Variants in TPD52L1 observed in about 807,000 individuals in gnomAD.
The protein encoded by TPD52L1 is TPD52 like 1.
TPD52L1 carries 18 observed loss-of-function variants against 28.7 expected under a neutral mutation model. That is an observed-to-expected ratio of 0.63 (90% CI 0.43 to 0.93). The LOEUF is 0.93. Ranked by LOEUF, TPD52L1 falls within the 40% of genes least tolerant of loss-of-function variation. The pLI is 0.00. For missense variants in TPD52L1, 203 were observed against 254.8 expected, an observed-to-expected ratio of 0.80 and a Z score of 1.39; for synonymous variants, 75 against 88.8, an observed-to-expected ratio of 0.84 and a Z score of 0.88.
chr6:125,214,525 TG>T, intron 1 of TPD52L1: 1 of 879,812 alleles, frequency 1.1e-6, no homozygotes, highest in Non-Finnish European at 1.4e-6. Flanking sequence ...GTCCTGGGCT[TG>T]GCTTTTGCTA....
intron 1 of TPD52L1, among the ~76,000 whole-genome samples, chr6:125,176,297 G>T (rs1348103163): frequency 6.6e-6 from 1 of 152,176 alleles, no homozygotes; most frequent in African/African-American, 2.4e-5. Flanking sequence ...ACATTATTCT[G>T]CATGTTGCAA....
intron 1 of TPD52L1, among the ~76,000 whole-genome samples, chr6:125,207,268 G>T (rs1300167552): frequency 6.6e-6 from 1 of 152,144 alleles, no homozygotes; most frequent in African/African-American, 2.4e-5. Flanking sequence ...TTCTGCATGA[G>T]GTGTTGTGGT....
At chr6:125,185,177 A>G (rs1011264134) in intron 1 of TPD52L1, among the ~76,000 whole-genome samples, 34 of 152,186 alleles carry the variant, frequency 2.2e-4, no homozygotes, top group African/African-American at 8.0e-4. Context: ...AAAAACTGTC[A>G]CAATGCAGGA....
chr6:125,178,656 A>ATATATAT (rs1383661753), intron 1 of TPD52L1, among the ~76,000 whole-genome samples: 34 of 149,704 alleles, frequency 2.3e-4, no homozygotes, highest in African/African-American at 8.0e-4. Context: ...AAAACAAAAC[A>ATATATAT]AAATATATAT....
chr6:125,206,948 G>T lies in TPD52L1; in HGVS notation c.20-13130G>T, dbSNP rs548120600. On this transcript the variant is annotated intron_variant, in intron 1 of 6. Coordinates refer to ENST00000534000, the MANE Select transcript of TPD52L1 (RefSeq NM_003287.4). ...TTTTCCTCATGCAGTCTGGTAGTTT[G>T]CTCAGTGAAGGAAGTTCCTGGAGTC... Among the ~76,000 whole-genome samples, 14 of 152,274 alleles carry T rather than the reference G, an allele frequency of 9.2e-5. No individual in the cohort carries two copies. The South Asian group carries it at 2.9e-3, about 32-fold the overall frequency.
chr6:125,241,856 T>G (rs1387558168), intron 3 of TPD52L1, among the ~76,000 whole-genome samples: 1 of 151,944 alleles, frequency 6.6e-6, no homozygotes, highest in African/African-American at 2.4e-5. Context: ...TTTTTTTTCT[T>G]CTGCTGGGTT....
rs141080667 is a variant in TPD52L1, at chr6:125,223,180, G to C, written c.135+2987G>C. Among the ~76,000 whole-genome samples the C allele has an allele frequency of 1.5e-3, 231 of 152,168 alleles. 1 individual carries two copies. Among genetic ancestry groups the C allele is most frequent in the African/African-American group, 5.5e-3 (227 of 41,524 alleles). ...GGCTATGCTGGATTCCTTCCTCCCA[G>C]CTCTCTTTCTCTTCCCTCCCCTCTG... On this transcript the variant is annotated intron_variant, in intron 2 of 6. Coordinates refer to ENST00000534000, the MANE Select transcript of TPD52L1 (RefSeq NM_003287.4).
intron 1 of TPD52L1, among the ~76,000 whole-genome samples, chr6:125,158,213 T>G (rs1423611523): frequency 6.6e-6 from 1 of 152,196 alleles, no homozygotes; most frequent in Non-Finnish European, 1.5e-5. Context: ...GGAATTAGGA[T>G]ATATTTAGGG....
chr6:125,187,685 T>G (rs1004878134), intron 1 of TPD52L1, among the ~76,000 whole-genome samples: 1 of 152,188 alleles, frequency 6.6e-6, no homozygotes, highest in African/African-American at 2.4e-5. Context: ...TGAAATCATT[T>G]TTGTCAAACA....
At chr6:125,229,437 T>C (rs1795811118) in intron 3 of TPD52L1, among the ~76,000 whole-genome samples, 171 bp downstream of exon 3, 1 of 152,232 alleles carries the variant, frequency 6.6e-6, no homozygotes, top group African/African-American at 2.4e-5. Context: ...GTATGCTGCA[T>C]GTGAAGCAGA....
intron 1 of TPD52L1, among the ~76,000 whole-genome samples, chr6:125,157,342 C>T (rs774900144): frequency 6.6e-6 from 1 of 152,180 alleles, no homozygotes; most frequent in Non-Finnish European, 1.5e-5. Flanking sequence ...GAAACTTTCC[C>T]ATAAGTGAAA....
At chr6:125,215,762 A>G (rs927995546) in intron 1 of TPD52L1, among the ~76,000 whole-genome samples, 4 of 149,356 alleles carry the variant, frequency 2.7e-5, no homozygotes, top group African/African-American at 9.7e-5. Context: ...TTCCCAATTC[A>G]TGTATTACCA....
At chr6:125,168,690 G>A (rs1398868198) in intron 1 of TPD52L1, among the ~76,000 whole-genome samples, 2 of 151,930 alleles carry the variant, frequency 1.3e-5, no homozygotes, top group Non-Finnish European at 2.9e-5. Flanking sequence ...GCTAATTTTT[G>A]TATTTTTAGT....
At chr6:125,221,170 A>G (rs574324257) in intron 2 of TPD52L1, among the ~76,000 whole-genome samples, 3 of 152,290 alleles carry the variant, frequency 2.0e-5, no homozygotes, top group African/African-American at 4.8e-5. Flanking sequence ...TACAAGACAC[A>G]CCTCCAAGTT....
chr6:125,176,074 T>G (rs1040012424), intron 1 of TPD52L1, among the ~76,000 whole-genome samples: 1 of 139,008 alleles, frequency 7.2e-6, no homozygotes, highest in African/African-American at 2.7e-5. Flanking sequence ...AGCTTAAAAT[T>G]GCCTTCAGGG....
At chr6:125,258,231 T>A (rs1353829204) in intron 6 of TPD52L1, among the ~76,000 whole-genome samples, 1 of 152,190 alleles carries the variant, frequency 6.6e-6, no homozygotes, top group Non-Finnish European at 1.5e-5. Context: ...GGCCCAGGAA[T>A]GAAATTATTA....
intron 1 of TPD52L1, among the ~76,000 whole-genome samples, chr6:125,208,274 T>A (rs1232411275): frequency 1.3e-5 from 2 of 152,210 alleles, no homozygotes; most frequent in Non-Finnish European, 2.9e-5. Context: ...TAGCAATTCT[T>A]TATCCATGTT....
chr6:125,178,277 C>A (rs1209798106), intron 1 of TPD52L1, among the ~76,000 whole-genome samples: 1 of 152,124 alleles, frequency 6.6e-6, no homozygotes, highest in East Asian at 1.9e-4. Context: ...AATTTCTATT[C>A]TTGTGAGGCT....
intron 1 of TPD52L1, among the ~76,000 whole-genome samples, chr6:125,160,513 C>T (rs1412674005): frequency 2.0e-5 from 3 of 152,130 alleles, no homozygotes; most frequent in South Asian, 2.1e-4. Flanking sequence ...TCATGAGCCA[C>T]TGCATCTGGT....
Sources: allele counts gnomAD v4.1 joint callset (sites outside exome capture counted in the v4.1 genomes callset), GRCh38; gene constraint gnomAD v4.1.1; transcripts MANE v1.5; gene names NCBI Gene and HGNC (gene_info 2026-07-23, HGNC 2026-07-21).